The following TXNRD1 variants were observed in gnomAD, a reference collection of about 807,000 sequenced individuals.
The protein encoded by TXNRD1 is thioredoxin reductase 1.
In TXNRD1, 57 loss-of-function variants were observed where a neutral mutation model predicts 80.3. The ratio of observed to expected loss-of-function variants is 0.71; its 90% CI spans 0.57 to 0.89. The LOEUF (loss-of-function observed/expected upper bound fraction) is 0.89, where lower values mean the gene tolerates loss of function less well. Among genes scored for constraint, TXNRD1 ranks in the 40% least tolerant of loss-of-function variants. The pLI is 0.00. For missense variants in TXNRD1, 730 were observed against 803.0 expected, an observed-to-expected ratio of 0.91 and a Z score of 1.10; for synonymous variants, 291 against 285.2, an observed-to-expected ratio of 1.02 and a Z score of -0.20.
intron 15 of TXNRD1, among the ~76,000 whole-genome samples, chr12:104,336,942 T>C (rs371395080): frequency 4.7e-5 from 7 of 148,356 alleles, no homozygotes; most frequent in African/African-American, 9.7e-5. Context: ...TTAACTATTA[T>C]CTTATGCCTA....
At chr12:104,269,516 C>A (rs7295751) in intron 3 of TXNRD1, among the ~76,000 whole-genome samples, 101,918 of 150,968 alleles carry the variant, frequency 0.68, 34,541 homozygotes, top group East Asian at 0.85. Context: ...CCTCCTGCCT[C>A]AGCCTCTCAA....
rs1267823262 is a variant in TXNRD1, at chr12:104,241,363, G to T, written c.92-10164G>T. 2.0e-5 allele frequency among the ~76,000 whole-genome samples: 3 copies of T among 151,724 alleles called. No homozygotes were observed. The East Asian group carries it at 5.8e-4, about 30-fold the overall frequency. Reference sequence around the variant, plus strand: ...TGCCAATGGTATTTCTCTCACAGATGAGAAAAGTCTGATTTCTTTTTTTTT... The same window carrying T: ...TGCCAATGGTATTTCTCTCACAGATTAGAAAAGTCTGATTTCTTTTTTTTT... On this transcript the variant is annotated intron_variant, in intron 1 of 16. Coordinates refer to ENST00000525566, the MANE Select transcript of TXNRD1 (RefSeq NM_001093771.3).
intron 10 of TXNRD1, among the ~76,000 whole-genome samples, chr12:104,322,685 C>G (rs935618851): frequency 5.3e-5 from 8 of 151,978 alleles, no homozygotes; most frequent in African/African-American, 1.5e-4. Flanking sequence ...TGGCCTGTAG[C>G]TGTTTTTTAG....
chr12:104,298,499 G>A (rs2034506171), intron 4 of TXNRD1, among the ~76,000 whole-genome samples: 1 of 152,154 alleles, frequency 6.6e-6, no homozygotes. Flanking sequence ...GCTGAGGCAG[G>A]TGGATCACGA....
chr12:104,321,044 G>A (rs1441789197), intron 9 of TXNRD1, 47 bp from the exon 10 acceptor site: 11 of 1,308,954 alleles, frequency 8.4e-6, no homozygotes, highest in Non-Finnish European at 1.2e-5. Context: ...TATTTATATA[G>A]GAACTTTCTT....
chr12:104,326,417 A>G lies in TXNRD1; in HGVS notation c.1379A>G (p.Asn460Ser). ...IGLETVGVKI[N>S]EKTGKIPVTD... The stretch of plus-strand genomic sequence containing the variant: ...TTAGAAACCGTAGGGGTGAAGATAA[A>G]TGAAAAGTAAGAAAAAAATCTTTAT... Residue 460 changes from asparagine (N) to serine (S), a missense_variant, in exon 12 of 17, where the codon AAT becomes AGT. Physicochemically the swap from Asn to Ser is conservative, Grantham distance 46. Transcript: ENST00000525566. The G allele has an allele frequency of 6.4e-7, 1 of 1,554,542 alleles. No homozygotes were observed. The highest frequency in any genetic ancestry group is 8.7e-7 in the Non-Finnish European group (1 of 1,152,978).
intron 14 of TXNRD1, among the ~76,000 whole-genome samples, chr12:104,333,832 T>A (rs2135869909): frequency 6.6e-6 from 1 of 152,326 alleles, no homozygotes; most frequent in African/African-American, 2.4e-5. Context: ...ACTAGATAAT[T>A]ACCTTAATTG....
At chr12:104,235,160 A>G (rs1026626706) in intron 1 of TXNRD1, among the ~76,000 whole-genome samples, 1 of 152,196 alleles carries the variant, frequency 6.6e-6, no homozygotes, top group Non-Finnish European at 1.5e-5. Flanking sequence ...AGCACACTGA[A>G]CAAAGGAGGG....
At chr12:104,250,069 G>A (rs1349458702) in intron 1 of TXNRD1, among the ~76,000 whole-genome samples, 1 of 152,006 alleles carries the variant, frequency 6.6e-6, no homozygotes, top group Non-Finnish European at 1.5e-5. Context: ...TGTAGTGACA[G>A]TATAACATAC....
chr12:104,302,486 CTTT>C (rs772202256), intron 4 of TXNRD1, among the ~76,000 whole-genome samples: 6 of 76,232 alleles, frequency 7.9e-5, no homozygotes, highest in African/African-American at 2.3e-4. Context: ...TATTCATTCC[CTTT>C]TTTTTTTTTT....
intron 1 of TXNRD1, among the ~76,000 whole-genome samples, chr12:104,227,176 G>T (rs1344731353): frequency 6.6e-6 from 1 of 152,240 alleles, no homozygotes; most frequent in African/African-American, 2.4e-5. Context: ...AATATATCTA[G>T]TAGGATATCT....
intron 3 of TXNRD1, among the ~76,000 whole-genome samples, chr12:104,279,708 C>T (rs1344395027): frequency 6.6e-6 from 1 of 152,180 alleles, no homozygotes; most frequent in African/African-American, 2.4e-5. Context: ...GTTCCCTCTA[C>T]TGGATTATTC....
At chr12:104,253,731 T>C (rs2033181459) in intron 2 of TXNRD1, among the ~76,000 whole-genome samples, 1 of 152,186 alleles carries the variant, frequency 6.6e-6, no homozygotes, top group Non-Finnish European at 1.5e-5. Context: ...TCTCGCTCTG[T>C]TGCCCAGGCT....
In TXNRD1 at chr12:104,315,793, T is replaced by C; in HGVS notation, c.627T>C (p.Cys209=). 1 of 1,611,710 alleles carries C rather than the reference T, an allele frequency of 6.2e-7. No individual in the cohort carries two copies. The highest frequency in any genetic ancestry group is 8.5e-7 in the Non-Finnish European group (1 of 1,178,480). Residue 209 remains cysteine (C), a synonymous_variant, in exon 7 of 17, where the codon TGT becomes TGC. Coordinates refer to ENST00000525566, the MANE Select transcript of TXNRD1 (RefSeq NM_001093771.3). Reference sequence around the variant, plus strand: ...TTGTTGTAGGTCTCGGAGGAACATGTGTGAATGTGGGTTGCATACCTAAAA... The same window carrying C: ...TTGTTGTAGGTCTCGGAGGAACATGCGTGAATGTGGGTTGCATACCTAAAA... ...LGTRWGLGGT[C]VNVGCIPKKL...
chr12:104,306,344 A>T (rs2034915086), intron 4 of TXNRD1, among the ~76,000 whole-genome samples: 1 of 152,222 alleles, frequency 6.6e-6, no homozygotes, highest in Admixed American at 6.5e-5. Flanking sequence ...TTTGGAGATT[A>T]TTGCCAAAAG....
intron 1 of TXNRD1, among the ~76,000 whole-genome samples, chr12:104,247,654 T>A (rs959944303): frequency 4.6e-5 from 7 of 152,346 alleles, no homozygotes; most frequent in Middle Eastern, 3.4e-3. Context: ...GTTTGTTTGT[T>A]TTTTTGGTAA....
chr12:104,298,213 C>T (rs1244933317), intron 4 of TXNRD1, among the ~76,000 whole-genome samples: 2 of 152,110 alleles, frequency 1.3e-5, no homozygotes, highest in Non-Finnish European at 2.9e-5. Flanking sequence ...GAGAAAAATG[C>T]ACATAAATAA....
At chr12:104,288,596 C>A in intron 3 of TXNRD1, 1 of 401,308 alleles carries the variant, frequency 2.5e-6, no homozygotes, top group Non-Finnish European at 4.1e-6. Context: ...TTTTTTGAAG[C>A]TTTTCTGAAT....
intron 1 of TXNRD1, among the ~76,000 whole-genome samples, chr12:104,224,265 A>C (rs1277001846): frequency 6.6e-6 from 1 of 152,120 alleles, no homozygotes; most frequent in East Asian, 1.9e-4. Flanking sequence ...GTAATTCCCC[A>C]AGTAGAGATA....
Sources: allele counts gnomAD v4.1 joint callset (sites outside exome capture counted in the v4.1 genomes callset), GRCh38; gene constraint gnomAD v4.1.1; transcripts MANE v1.5; gene names NCBI Gene and HGNC (gene_info 2026-07-23, HGNC 2026-07-21).